Variants in PRKAR2B observed in about 807,000 individuals in gnomAD.
PRKAR2B encodes the protein cAMP-dependent protein kinase type II-beta regulatory subunit.
A neutral mutation model predicts 49.9 loss-of-function variants in PRKAR2B; 14 were observed. That is an observed-to-expected ratio of 0.28 (90% CI 0.19 to 0.44). The LOEUF is 0.44. Ranked by LOEUF, PRKAR2B falls within the 20% of genes least tolerant of loss-of-function variation. The probability of loss-of-function intolerance (pLI) is 1.00; values close to 1 mark genes in which losing one functional copy is unlikely to be tolerated. For synonymous variants in PRKAR2B, 196 were observed against 197.7 expected (o/e 0.99, Z 0.07); for missense variants, 393 against 537.9 (o/e 0.73, Z 2.67).
chr7:107,146,512 A>G (rs1029960685), intron 6 of PRKAR2B, 51 bp downstream of exon 6: 15 of 1,550,090 alleles, frequency 9.7e-6, no homozygotes, highest in African/African-American at 5.5e-5. Flanking sequence ...AGCAATTGCT[A>G]TGACGGTGTT....
chr7:107,144,940 G>A (rs983442020), intron 5 of PRKAR2B, among the ~76,000 whole-genome samples: 32 of 151,894 alleles, frequency 2.1e-4, no homozygotes, highest in African/African-American at 5.8e-4. Flanking sequence ...TACAGTATGC[G>A]GAAAGTCAGT....
At chr7:107,098,258 T>G (rs1383668846) in intron 2 of PRKAR2B, among the ~76,000 whole-genome samples, 1 of 152,224 alleles carries the variant, frequency 6.6e-6, no homozygotes, top group Non-Finnish European at 1.5e-5. Context: ...TTTCATTCAT[T>G]TGATCTTCAG....
intron 2 of PRKAR2B, among the ~76,000 whole-genome samples, chr7:107,116,895 ATGTG>A (rs767262850): frequency 4.1e-5 from 6 of 146,752 alleles, no homozygotes; most frequent in Non-Finnish European, 8.9e-5. Context: ...ATATATATAT[ATGTG>A]TGTGTGTGTA....
chr7:107,073,312 G>A (rs958609176), intron 2 of PRKAR2B, among the ~76,000 whole-genome samples: 4 of 147,232 alleles, frequency 2.7e-5, no homozygotes, highest in Admixed American at 2.0e-4. Flanking sequence ...ATAGTCTCTC[G>A]TCTTCCTCAT....
chr7:107,157,242 A>G lies in PRKAR2B; in HGVS notation c.1041A>G (p.Gly347=), dbSNP rs772712527. The stretch of plus-strand genomic sequence containing the variant: ...TAGAAATCGCTCGATGCTCGCGGGG[A>G]CAGTACTTTGGAGAGCTTGCCCTGG... ...GAVEIARCSR[G]QYFGELALVT... is the part of the protein sequence containing the mutation. Residue 347 remains glycine (G), a synonymous_variant, in exon 10 of 11, where the codon GGA becomes GGG. Transcript: ENST00000265717. 2 of 1,614,218 alleles carry G rather than the reference A, an allele frequency of 1.2e-6. No homozygotes were observed. Among genetic ancestry groups the G allele is most frequent in the Non-Finnish European group, 1.7e-6 (2 of 1,180,048 alleles).
At chr7:107,072,087 A>T (rs905598231) in intron 2 of PRKAR2B, among the ~76,000 whole-genome samples, 27 of 149,478 alleles carry the variant, frequency 1.8e-4, no homozygotes, top group Middle Eastern at 3.5e-3. Context: ...AAAATAATAA[A>T]AAATAAAAAT....
chr7:107,070,963 A>G (rs1022638296), intron 2 of PRKAR2B, among the ~76,000 whole-genome samples: 2 of 152,220 alleles, frequency 1.3e-5, no homozygotes, highest in African/African-American at 2.4e-5. Context: ...GTTAACTTCA[A>G]TATACTGTGT....
chr7:107,114,324 CTGTGTGTGTGTG>C (rs58110858), intron 2 of PRKAR2B, among the ~76,000 whole-genome samples: 199 of 130,926 alleles, frequency 1.5e-3, no homozygotes, highest in South Asian at 2.8e-3. Flanking sequence ...GCATGTACAG[CTGTGTGTGTGTG>C]TGTGTGTGTG....
intron 2 of PRKAR2B, among the ~76,000 whole-genome samples, chr7:107,095,556 A>G (rs1794821927): frequency 6.6e-6 from 1 of 152,180 alleles, no homozygotes; most frequent in Non-Finnish European, 1.5e-5. Context: ...AGGAGTGGTG[A>G]GAGAGGGCAT....
intron 10 of PRKAR2B, among the ~76,000 whole-genome samples, chr7:107,158,780 CTTT>C (rs1244418832): frequency 6.6e-6 from 1 of 152,062 alleles, no homozygotes; most frequent in Non-Finnish European, 1.5e-5. Context: ...TAAACATTGC[CTTT>C]TTTATCTTTT....
chr7:107,118,061 T>C (rs1795313342), intron 2 of PRKAR2B, among the ~76,000 whole-genome samples: 1 of 152,194 alleles, frequency 6.6e-6, no homozygotes, highest in East Asian at 1.9e-4. Context: ...TCAGATTGCG[T>C]AGGAGGCATG....
intron 2 of PRKAR2B, among the ~76,000 whole-genome samples, chr7:107,104,586 C>A (rs1292945674): frequency 1.3e-5 from 2 of 152,040 alleles, no homozygotes; most frequent in Non-Finnish European, 2.9e-5. Flanking sequence ...TTAATATGGT[C>A]ATTCACATGT....
intron 2 of PRKAR2B, among the ~76,000 whole-genome samples, chr7:107,080,324 G>A (rs1180079372): frequency 2.0e-5 from 3 of 152,188 alleles, no homozygotes; most frequent in Non-Finnish European, 4.4e-5. Flanking sequence ...TTCAACCAAG[G>A]CAGAGAAAAG....
chr7:107,158,399 T>C (rs1456383120), intron 10 of PRKAR2B, among the ~76,000 whole-genome samples: 2 of 152,232 alleles, frequency 1.3e-5, no homozygotes, highest in East Asian at 3.8e-4. Context: ...TCTGCTATTA[T>C]AATTCCTTCT....
intron 1 of PRKAR2B, among the ~76,000 whole-genome samples, chr7:107,061,758 G>A (rs1257839900): frequency 6.6e-6 from 1 of 152,142 alleles, no homozygotes; most frequent in African/African-American, 2.4e-5. Context: ...ACAGAAATTA[G>A]TGGTGGCACA....
rs141765409 is a variant in PRKAR2B at position 107,154,729 on chromosome 7, A to G, written c.918+1478A>G. Among the ~76,000 whole-genome samples, 48 of 152,366 alleles carry G rather than the reference A, an allele frequency of 3.2e-4. No homozygotes were observed. The East Asian group carries it at 9.3e-3, about 29-fold the overall frequency. On this transcript the variant is annotated intron_variant, in intron 8 of 10. Transcript: ENST00000265717. ...AGAATCACTTTGAGAGGCTTAGAGAAGTCAGTGTCTGTATTATTATCTTCC... is the reference window on the plus strand; with the variant it reads ...AGAATCACTTTGAGAGGCTTAGAGAGGTCAGTGTCTGTATTATTATCTTCC...
chr7:107,160,461 TCTC>T lies in PRKAR2B; in HGVS notation c.*882_*884del, dbSNP rs1161810802. On this transcript the variant is annotated 3_prime_UTR_variant, in exon 11 of 11. Transcript: ENST00000265717. ...TTTAAGATTTTACACCTAAAAAATC[TCTC>T]CTATCCCAAAAATAATGTGGGATCC... 1.3e-5 allele frequency: 2 copies of T among 152,170 alleles called. No homozygotes were observed. The highest frequency in any genetic ancestry group is 6.5e-5 in the Admixed American group (1 of 15,280). 9.4% of individuals were successfully genotyped at this position (152,170 alleles called of 1,614,324 possible). A position where few individuals can be genotyped will look rare whatever the true frequency, so the allele number is the denominator to read the frequency against.
chr7:107,107,217 A>T (rs1222440700), intron 2 of PRKAR2B, among the ~76,000 whole-genome samples: 1 of 151,980 alleles, frequency 6.6e-6, no homozygotes, highest in Non-Finnish European at 1.5e-5. Context: ...GGCACCTGTA[A>T]TCCCAGCTAC....
chr7:107,143,823 A>G (rs1381912115), intron 5 of PRKAR2B, among the ~76,000 whole-genome samples: 1 of 152,180 alleles, frequency 6.6e-6, no homozygotes, highest in East Asian at 1.9e-4. Flanking sequence ...TGAAACATAA[A>G]CTGATTTTGT....
Sources: allele counts gnomAD v4.1 joint callset (sites outside exome capture counted in the v4.1 genomes callset), GRCh38; gene constraint gnomAD v4.1.1; transcripts MANE v1.5; gene names NCBI Gene and HGNC (gene_info 2026-07-23, HGNC 2026-07-21).